The following NSMCE2 variants were observed in gnomAD, a reference collection of about 807,000 sequenced individuals.
The protein encoded by NSMCE2 is NSE2 SUMO ligase component of SMC5/6 complex.
NSMCE2 carries 24 observed loss-of-function variants against 23.8 expected under a neutral mutation model. The observed-to-expected ratio is 1.01, with a 90% CI of 0.73 to 1.42. The LOEUF (loss-of-function observed/expected upper bound fraction) is 1.42. Ranked by LOEUF, NSMCE2 falls within the 40% of genes most tolerant of loss-of-function variation. The pLI is 0.00. For synonymous variants in NSMCE2, 92 were observed against 94.1 expected (o/e 0.98, Z 0.13); for missense variants, 284 against 296.5 (o/e 0.96, Z 0.31).
At chr8:125,218,214 A>G (rs1437267756) in intron 5 of NSMCE2, among the ~76,000 whole-genome samples, 1 of 152,214 alleles carries the variant, frequency 6.6e-6, no homozygotes, top group African/African-American at 2.4e-5. Context: ...GATATTTTTT[A>G]CTGACCAAAA....
At chr8:125,196,286 T>C (rs1194833587) in intron 5 of NSMCE2, among the ~76,000 whole-genome samples, 1 of 151,780 alleles carries the variant, frequency 6.6e-6, no homozygotes, top group Non-Finnish European at 1.5e-5. Context: ...ATGTGCCATG[T>C]TGGTTTGCTG....
At chr8:125,334,759 T>C (rs1830010423) in intron 5 of NSMCE2, among the ~76,000 whole-genome samples, 1 of 149,100 alleles carries the variant, frequency 6.7e-6, no homozygotes, top group African/African-American at 2.5e-5. Context: ...AAAAAGATTA[T>C]GAAGTATCTT....
At chr8:125,105,333 A>G (rs956221215) in intron 3 of NSMCE2, among the ~76,000 whole-genome samples, 1 of 152,150 alleles carries the variant, frequency 6.6e-6, no homozygotes, top group Non-Finnish European at 1.5e-5. Context: ...GCTTTGATAG[A>G]TAGGCCTGGA....
chr8:125,129,725 A>C (rs1819667227), intron 3 of NSMCE2, among the ~76,000 whole-genome samples: 1 of 152,076 alleles, frequency 6.6e-6, no homozygotes, highest in Admixed American at 6.6e-5. Flanking sequence ...AACTTTTTTA[A>C]ATGCAACTTC....
rs537575616 is a variant in NSMCE2 at position 125,325,990 on chromosome 8, G to T, written c.419-31229G>T. On this transcript the variant is annotated intron_variant, in intron 5 of 7. Transcript: ENST00000287437. ...TAAATAAAAATACCCGGGCGCGGTGGCTCATGCCTGTAATCCCAGCACTTT... is the reference window on the plus strand; with the variant it reads ...TAAATAAAAATACCCGGGCGCGGTGTCTCATGCCTGTAATCCCAGCACTTT... 1.7e-3 allele frequency among the ~76,000 whole-genome samples: 262 copies of T among 151,896 alleles called. 3 individuals carry two copies. The highest frequency in any genetic ancestry group is 0.014 in the South Asian group (69 of 4,804).
chr8:125,210,870 G>A (rs554465921), intron 5 of NSMCE2, among the ~76,000 whole-genome samples: 2 of 152,118 alleles, frequency 1.3e-5, no homozygotes, highest in South Asian at 4.2e-4. Context: ...ACAGGTATGT[G>A]CCAATATGCC....
chr8:125,271,221 A>G (rs1827175741), intron 5 of NSMCE2, among the ~76,000 whole-genome samples: 1 of 150,242 alleles, frequency 6.7e-6, no homozygotes, highest in Non-Finnish European at 1.5e-5. Context: ...AGATTATGCC[A>G]TTGCACTGCA....
intron 5 of NSMCE2, among the ~76,000 whole-genome samples, chr8:125,218,145 T>C (rs1824683826): frequency 6.6e-6 from 1 of 152,204 alleles, no homozygotes; most frequent in Non-Finnish European, 1.5e-5. Context: ...TCTGAGATTT[T>C]GCATGTACTC....
Position 125,102,333 on chromosome 8 carries a change from GC to G in NSMCE2, c.5del (p.Pro2GlnfsTer19), listed in dbSNP as rs1175579831. The G allele has an allele frequency of 6.2e-7, 1 of 1,613,126 alleles. No individual in the cohort carries two copies. Among genetic ancestry groups the G allele is most frequent in the Non-Finnish European group, 8.5e-7 (1 of 1,179,228 alleles). On this transcript the variant is annotated frameshift_variant, in exon 3 of 8. Transcript: ENST00000287437. LOFTEE classifies it high-confidence loss of function. ...AAAACTTAGGTACTAATTTCAAGAT[GC>G]CAGGACGTTCCAGTTCAAATTCAGG... The part of the protein sequence containing the change: M[P>X]GRSSSNSGST...
At chr8:125,334,176 A>C (rs910501542) in intron 5 of NSMCE2, among the ~76,000 whole-genome samples, 1 of 152,134 alleles carries the variant, frequency 6.6e-6, no homozygotes, top group Non-Finnish European at 1.5e-5. Flanking sequence ...TGTTCTTTAG[A>C]CAACTGAAAG....
intron 5 of NSMCE2, among the ~76,000 whole-genome samples, chr8:125,356,998 C>T (rs4242368): frequency 0.77 from 116,854 of 152,072 alleles, 44,964 homozygotes; most frequent in Admixed American, 0.83. Flanking sequence ...AAAAAAGATT[C>T]TTTTTAACTG....
At chr8:125,276,709 A>C (rs1219728850) in intron 5 of NSMCE2, among the ~76,000 whole-genome samples, 1 of 152,208 alleles carries the variant, frequency 6.6e-6, no homozygotes, top group Non-Finnish European at 1.5e-5. Context: ...TACTATATAC[A>C]GATGTATTTT....
chr8:125,278,416 G>A (rs373581438), intron 5 of NSMCE2, among the ~76,000 whole-genome samples: 15 of 152,218 alleles, frequency 9.9e-5, no homozygotes, highest in Non-Finnish European at 1.8e-4. Flanking sequence ...AGCCCCAAGG[G>A]CAGTATGCTA....
intron 3 of NSMCE2, among the ~76,000 whole-genome samples, 171 bp from the exon 4 acceptor site, chr8:125,151,000 T>C (rs1586520298): frequency 6.6e-6 from 1 of 151,780 alleles, no homozygotes; most frequent in South Asian, 2.1e-4. Context: ...GGTGAGGAGG[T>C]TTTTTTTATT....
chr8:125,140,898 T>C (rs1820339779), intron 3 of NSMCE2, among the ~76,000 whole-genome samples: 1 of 152,076 alleles, frequency 6.6e-6, no homozygotes, highest in Admixed American at 6.5e-5. Flanking sequence ...TTCTTTTCAG[T>C]CTACCAGAGA....
chr8:125,152,588 T>G (rs1191524705), intron 4 of NSMCE2, among the ~76,000 whole-genome samples: 2 of 152,226 alleles, frequency 1.3e-5, no homozygotes, highest in Non-Finnish European at 2.9e-5. Flanking sequence ...CCTTACATTA[T>G]GTGGCACTTA....
Position 125,292,927 on chromosome 8 carries a change from G to T in NSMCE2, c.419-64292G>T, listed in dbSNP as rs1340942106. ...TTTCAAATGTTGGCAGGTCATACTT[G>T]TTGAAGACCCCCTGTAGTCTGGAGC... On this transcript the variant is annotated intron_variant, in intron 5 of 7. Transcript: ENST00000287437. Among the ~76,000 whole-genome samples, 15 of 152,146 alleles carry T rather than the reference G, an allele frequency of 9.9e-5. 1 individual carries two copies. The highest frequency in any genetic ancestry group is 9.8e-4 in the Admixed American group (15 of 15,270).
intron 3 of NSMCE2, among the ~76,000 whole-genome samples, chr8:125,117,322 A>T (rs1819052873): frequency 6.6e-6 from 1 of 151,994 alleles, no homozygotes; most frequent in Admixed American, 6.6e-5. Context: ...CCCAGGTTCA[A>T]GCAATTCTCA....
At chr8:125,324,974 A>G (rs1829604994) in intron 5 of NSMCE2, among the ~76,000 whole-genome samples, 2 of 152,180 alleles carry the variant, frequency 1.3e-5, no homozygotes, top group African/African-American at 4.8e-5. Context: ...TGCAGAGGAT[A>G]GGGATTACTA....
Sources: gnomAD v4.1 joint callset for allele counts (sites outside exome capture counted in the v4.1 genomes callset) on GRCh38, gnomAD v4.1.1 for gene constraint, MANE v1.5 for transcripts, NCBI Gene and HGNC (gene_info 2026-07-23, HGNC 2026-07-21) for gene names.